The following UBR4 variants were observed in gnomAD, a reference collection of about 807,000 sequenced individuals.
UBR4 encodes the protein ubiquitin protein ligase E3 component n-recognin 4.
Under a neutral mutation model 575.6 loss-of-function variants are expected in UBR4, and 124 were observed. The observed-to-expected ratio is 0.22, with a 90% CI of 0.19 to 0.25. The LOEUF (loss-of-function observed/expected upper bound fraction) is 0.25, where lower values mean the gene tolerates loss of function less well. Among genes scored for constraint, UBR4 ranks in the 10% least tolerant of loss-of-function variants. The probability of loss-of-function intolerance (pLI) is 1.00; values close to 1 mark genes in which losing one functional copy is unlikely to be tolerated. For missense variants in UBR4, 4,818 were observed against 6,478.8 expected, an observed-to-expected ratio of 0.74 and a Z score of 8.80; for synonymous variants, 2,455 against 2,473.7, an observed-to-expected ratio of 0.99 and a Z score of 0.22.
At chr1:19,146,539 T>C (rs1403596047) in intron 52 of UBR4, among the ~76,000 whole-genome samples, 1 of 152,202 alleles carries the variant, frequency 6.6e-6, no homozygotes, top group Admixed American at 6.5e-5. Context: ...AGCTTAGCTT[T>C]CCCCTGAAGC....
At chr1:19,081,146 A>G (rs2076464657) in intron 103 of UBR4, 2 of 538,562 alleles carry the variant, frequency 3.7e-6, no homozygotes, top group Non-Finnish European at 6.6e-6. Context: ...CTAGTAGCGG[A>G]ACAGAAAACC....
At position 19,174,977 on chromosome 1, in the gene UBR4, C is replaced by G; in HGVS notation, c.2830G>C (p.Asp944His). The change falls in exon 21 of 106, where the codon GAT becomes CAT. Residue 944 changes from aspartate to histidine, a missense_variant. This residue lies in a region of UBR4 where 1,172 missense variants were observed against 1,259.7 expected (regional missense o/e 0.93). Coordinates refer to ENST00000375254, the MANE Select transcript of UBR4 (RefSeq NM_020765.3). ...CVLSPEASED[D>H]LNRLDSVACD... ...ACCACAGAATCAAGTCGGTTCAAATCATCCTCTGAGGCTTCTGGGGACAGG... is the reference window on the plus strand; with the variant it reads ...ACCACAGAATCAAGTCGGTTCAAATGATCCTCTGAGGCTTCTGGGGACAGG... 6.2e-7 allele frequency: 1 copy of G among 1,613,958 alleles called. No homozygotes were observed. Among genetic ancestry groups the G allele is most frequent in the South Asian group, 1.1e-5 (1 of 91,056 alleles).
At position 19,156,764 on chromosome 1, in the gene UBR4, T is replaced by C; in HGVS notation, c.5919+3A>G. The C allele has an allele frequency of 1.2e-6, 2 of 1,612,234 alleles. No homozygotes were observed. The highest frequency in any genetic ancestry group is 1.7e-6 in the Non-Finnish European group (2 of 1,178,446). On this transcript the variant is annotated splice_donor_region_variant and intron_variant, in intron 41 of 105. Coordinates refer to ENST00000375254, the MANE Select transcript of UBR4 (RefSeq NM_020765.3). ...GCAATCAAACCTAGATCCGGATTTTTACCTTTAGCCCACAAACCGCCAAGT... is the reference window on the plus strand; with the variant it reads ...GCAATCAAACCTAGATCCGGATTTTCACCTTTAGCCCACAAACCGCCAAGT...
intron 87 of UBR4, 150 bp from the exon 88 acceptor site, chr1:19,101,791 G>A (rs1017225211): frequency 2.4e-6 from 3 of 1,265,342 alleles, no homozygotes; most frequent in African/African-American, 3.0e-5. Context: ...GTTCAAATTG[G>A]AAATTTGATG....
chr1:19,169,661 C>T (rs760035233), intron 26 of UBR4, 129 bp from the exon 27 acceptor site: 13 of 638,294 alleles, frequency 2.0e-5, no homozygotes, highest in Non-Finnish European at 2.9e-5. Context: ...AGTAAGATAG[C>T]TTAGATAGAT....
At position 19,164,848 on chromosome 1, in the gene UBR4, T is replaced by C; in HGVS notation, c.4462A>G (p.Asn1488Asp). 1 of 1,614,166 alleles carries C rather than the reference T, an allele frequency of 6.2e-7. No homozygotes were observed. The highest frequency in any genetic ancestry group is 8.5e-7 in the Non-Finnish European group (1 of 1,180,024). ...DSDQLDVIQE[N>D]RQLLQLLTTY... ...GTCAGTAACTGCAGCAGCTGCCGGT[T>C]CTCCTGAATTACATCCAGCTGATCA... Residue 1488 changes from asparagine to aspartate, a missense_variant, in exon 32 of 106, where the codon AAC becomes GAC. Physicochemically the swap from Asn to Asp is conservative, Grantham distance 23. This residue lies in a region of UBR4 where 1,172 missense variants were observed against 1,259.7 expected (regional missense o/e 0.93). Transcript: ENST00000375254.
At chr1:19,188,201 G>T (rs2091740939) in intron 11 of UBR4, among the ~76,000 whole-genome samples, 1 of 152,102 alleles carries the variant, frequency 6.6e-6, no homozygotes, top group Non-Finnish European at 1.5e-5. Context: ...TCATTATTTT[G>T]AAAAGAAAAA....
Position 19,088,695 on chromosome 1 carries a change from C to T in UBR4, c.14430+64G>A, listed in dbSNP as rs1216470517. Reference sequence around the variant, plus strand: ...TCCCCATGGCCAACCCCAGGGCTGTCCCATGGCCACCTCCTCATCAACAGT... The same window carrying T: ...TCCCCATGGCCAACCCCAGGGCTGTTCCATGGCCACCTCCTCATCAACAGT... On this transcript the variant is annotated intron_variant, in intron 98 of 105. Transcript: ENST00000375254. This position sits in a 1 kb window ranked among gnomAD's most constrained non-coding sequence, Gnocchi z 4.0. The T allele has an allele frequency of 3.2e-6, 5 of 1,565,892 alleles. No individual in the cohort carries two copies. Among genetic ancestry groups the T allele is most frequent in the Non-Finnish European group, 3.5e-6 (4 of 1,140,288 alleles).
chr1:19,128,385 G>T (rs2082048641), intron 61 of UBR4, 67 bp from the exon 62 acceptor site: 2 of 1,339,192 alleles, frequency 1.5e-6, no homozygotes, highest in African/African-American at 2.9e-5. Flanking sequence ...AATACGGGGT[G>T]TTTCAGAAGA....
At chr1:19,118,418 CTTTT>C (rs35059878) in intron 71 of UBR4, 32 of 130,186 alleles carry the variant, frequency 2.5e-4, no homozygotes, top group South Asian at 9.7e-4. Context: ...AACTAAAGAC[CTTTT>C]TTTTTTTTTT....
At chr1:19,080,203 G>C (rs1475144607) in intron 103 of UBR4, 2 of 152,182 alleles carry the variant, frequency 1.3e-5, no homozygotes, top group Admixed American at 6.5e-5. Flanking sequence ...TATTAATTCA[G>C]GCTCTTGGGA....
chr1:19,197,419 A>G (rs756965125), intron 7 of UBR4, among the ~76,000 whole-genome samples, 154 bp from the exon 8 acceptor site: 2 of 152,246 alleles, frequency 1.3e-5, no homozygotes, highest in Admixed American at 6.5e-5. Flanking sequence ...GCTTGAGCCC[A>G]GGAGTTCAAG....
At chr1:19,135,036 T>C (rs1232118969) in intron 60 of UBR4, among the ~76,000 whole-genome samples, 1 of 152,238 alleles carries the variant, frequency 6.6e-6, no homozygotes, top group Non-Finnish European at 1.5e-5. Flanking sequence ...ACATTTTGTC[T>C]TTTAAAGGCA....
At chr1:19,162,853 A>G (rs565741790) in intron 34 of UBR4, among the ~76,000 whole-genome samples, 1 of 152,330 alleles carries the variant, frequency 6.6e-6, no homozygotes, top group Non-Finnish European at 1.5e-5. Context: ...GCTCTTTACA[A>G]AGTCTTGTAA....
At chr1:19,159,639 G>A (rs1279079998) in intron 39 of UBR4, among the ~76,000 whole-genome samples, 3 of 146,598 alleles carry the variant, frequency 2.0e-5, no homozygotes, top group African/African-American at 7.7e-5. Flanking sequence ...GTCTCACTCC[G>A]TCGCCCAGGC....
At chr1:19,187,082 A>ATG in intron 13 of UBR4, 82 bp downstream of exon 13, 1 of 887,520 alleles carries the variant, frequency 1.1e-6, no homozygotes, top group African/African-American at 1.8e-5. Flanking sequence ...AGTTTTATAT[A>ATG]TATATATATA....
intron 41 of UBR4, 65 bp from the exon 42 acceptor site, chr1:19,156,488 G>A (rs1011918179): frequency 1.3e-6 from 2 of 1,558,180 alleles, no homozygotes; most frequent in Non-Finnish European, 8.7e-7. Flanking sequence ...ATTCATTTCA[G>A]AGTAATGACG....
At chr1:19,081,144 G>A (rs919627768) in intron 103 of UBR4, 25 of 529,202 alleles carry the variant, frequency 4.7e-5, no homozygotes, top group African/African-American at 1.7e-4. Flanking sequence ...TTCTAGTAGC[G>A]GAACAGAAAA....
chr1:19,099,164 A>G (rs1462389376), intron 90 of UBR4, among the ~76,000 whole-genome samples: 1 of 152,224 alleles, frequency 6.6e-6, no homozygotes, highest in Non-Finnish European at 1.5e-5. Context: ...CTAGTAAAAC[A>G]GAAATGATGC....
Sources: allele counts gnomAD v4.1 joint callset (sites outside exome capture counted in the v4.1 genomes callset), GRCh38; gene constraint gnomAD v4.1.1; regional missense constraint gnomAD v4.1.1; non-coding constraint Gnocchi (gnomAD v3.1); transcripts MANE v1.5; gene names NCBI Gene and HGNC (gene_info 2026-07-23, HGNC 2026-07-21).